TRPM3: variants seen among roughly 807,000 people sequenced by gnomAD.
The protein encoded by TRPM3 is long transient receptor potential channel 3.
A neutral mutation model predicts 181.2 loss-of-function variants in TRPM3; 77 were observed. That is an observed-to-expected ratio of 0.42 (90% CI 0.35 to 0.51). The LOEUF is 0.51. TRPM3 is among the 20% of genes least tolerant of loss of function. The pLI is 0.01. For synonymous variants in TRPM3, 745 were observed against 796.4 expected (o/e 0.94, Z 1.09); for missense variants, 1,759 against 2,196.7 (o/e 0.80, Z 3.98).
intron 1 of TRPM3, among the ~76,000 whole-genome samples, chr9:71,117,735 T>A (rs1173224431): frequency 6.6e-6 from 1 of 152,178 alleles, no homozygotes; most frequent in Non-Finnish European, 1.5e-5. Context: ...CTCATATGAT[T>A]TCTCAATATA....
At chr9:70,934,310 T>C (rs1040289722) in intron 1 of TRPM3, among the ~76,000 whole-genome samples, 1 of 152,150 alleles carries the variant, frequency 6.6e-6, no homozygotes, top group African/African-American at 2.4e-5. Flanking sequence ...AGTTGTGGCA[T>C]TGTTCATTCT....
chr9:71,262,568 A>G (rs2083135159), intron 1 of TRPM3, among the ~76,000 whole-genome samples: 1 of 152,148 alleles, frequency 6.6e-6, no homozygotes, highest in Non-Finnish European at 1.5e-5. Flanking sequence ...GGGTACCAAA[A>G]AAACAAAAAA....
At chr9:70,593,047 G>A (rs1341542365) in intron 21 of TRPM3, among the ~76,000 whole-genome samples, 1 of 152,142 alleles carries the variant, frequency 6.6e-6, no homozygotes, top group Non-Finnish European at 1.5e-5. Flanking sequence ...TGTTTTAAAA[G>A]AGTGTCTGTT....
chr9:70,644,612 G>A (rs2058538926), intron 9 of TRPM3, among the ~76,000 whole-genome samples: 1 of 152,118 alleles, frequency 6.6e-6, no homozygotes, highest in East Asian at 1.9e-4. Context: ...TACTGAATGG[G>A]CAAAAGCTGG....
chr9:70,766,224 A>C (rs111338805), intron 7 of TRPM3, among the ~76,000 whole-genome samples: 2 of 152,322 alleles, frequency 1.3e-5, no homozygotes, highest in African/African-American at 4.8e-5. Flanking sequence ...GTAACCATCA[A>C]AACGCCCCAC....
chr9:71,286,963 A>ATATATAATTATATAATTATAT (rs1565424434), intron 1 of TRPM3, among the ~76,000 whole-genome samples: 2 of 138,190 alleles, frequency 1.4e-5, no homozygotes, highest in African/African-American at 2.7e-5. Context: ...TATATAAATT[A>ATATATAATTATATAATTATAT]TATATAATAT....
rs548173387 is a variant in TRPM3, at chr9:70,898,816, C to T, written c.178-34305G>A. Among the ~76,000 whole-genome samples, 16 of 151,362 alleles carry T rather than the reference C, an allele frequency of 1.1e-4. No individual in the cohort carries two copies. In the South Asian group the frequency reaches 3.4e-3, roughly 32 times the overall value. On this transcript the variant is annotated intron_variant, in intron 1 of 25. Transcript: ENST00000677713. ...GAAAAAATTTACTGGTTTCGTTCTA[C>T]TTCTGCAAATTTAAAAGCAGCCTGA...
chr9:70,944,930 G>A (rs960705483), intron 1 of TRPM3, among the ~76,000 whole-genome samples: 3 of 151,236 alleles, frequency 2.0e-5, no homozygotes, highest in African/African-American at 7.3e-5. Context: ...GTAAAACCAA[G>A]TGACTGAAGA....
intron 8 of TRPM3, among the ~76,000 whole-genome samples, chr9:70,691,984 G>T (rs2068720392): frequency 1.3e-5 from 2 of 152,110 alleles, no homozygotes; most frequent in South Asian, 2.1e-4. Context: ...AAAATCCATG[G>T]CTTTAGGCTG....
intron 8 of TRPM3, among the ~76,000 whole-genome samples, chr9:70,751,816 A>G (rs2076176867): frequency 6.6e-6 from 1 of 152,108 alleles, no homozygotes; most frequent in African/African-American, 2.4e-5. Flanking sequence ...GAGGGGCACT[A>G]CTTCCTCTGA....
intron 1 of TRPM3, among the ~76,000 whole-genome samples, chr9:71,038,698 C>A (rs762720777): frequency 1.3e-5 from 2 of 152,104 alleles, no homozygotes; most frequent in African/African-American, 2.4e-5. Flanking sequence ...ACAGATGGAA[C>A]CTGGCCTTAT....
chr9:71,281,860 G>A (rs180707807), intron 1 of TRPM3, among the ~76,000 whole-genome samples: 1 of 152,012 alleles, frequency 6.6e-6, no homozygotes, highest in African/African-American at 2.4e-5. Flanking sequence ...TTGGAAGTTC[G>A]AGACCAGCCT....
chr9:70,616,175 T>C (rs2062747038), intron 17 of TRPM3, 100 bp from the exon 18 acceptor site: 1 of 861,954 alleles, frequency 1.2e-6, no homozygotes, highest in Non-Finnish European at 1.7e-6. Context: ...GGTATAAGAG[T>C]GTATGCGTGT....
rs986770982 is a variant in TRPM3 at position 70,534,390 on chromosome 9, T to A, written c.*1563A>T. On this transcript the variant is annotated 3_prime_UTR_variant, in exon 26 of 26. Transcript: ENST00000677713. ...TTCAACATTTGGTCTAATAGTATAATGAACTCTTTCAATGGAACTTCTTGT... is the reference window on the plus strand; with the variant it reads ...TTCAACATTTGGTCTAATAGTATAAAGAACTCTTTCAATGGAACTTCTTGT... 5 of 152,198 alleles carry A rather than the reference T, an allele frequency of 3.3e-5. No individual in the cohort carries two copies. The highest frequency in any genetic ancestry group is 7.4e-5 in the Non-Finnish European group (5 of 68,026). The allele number at this position is 152,198 out of a possible 1,614,324, so 9.4% of individuals were successfully genotyped here. A position where few individuals can be genotyped will look rare whatever the true frequency, so the allele number is the denominator to read the frequency against.
intron 1 of TRPM3, among the ~76,000 whole-genome samples, chr9:70,935,372 T>C (rs973345474): frequency 2.0e-5 from 3 of 152,196 alleles, no homozygotes; most frequent in African/African-American, 7.2e-5. Flanking sequence ...TGTGAGAGTA[T>C]CATGGCATTT....
intron 1 of TRPM3, among the ~76,000 whole-genome samples, chr9:71,339,927 T>G (rs753243807): frequency 6.6e-6 from 1 of 152,090 alleles, no homozygotes. Context: ...TCAGACAGTG[T>G]CAAACAAATC....
chr9:71,090,405 A>G (rs529895852), intron 1 of TRPM3, among the ~76,000 whole-genome samples: 2 of 152,264 alleles, frequency 1.3e-5, no homozygotes, highest in Middle Eastern at 3.4e-3. Context: ...TCTTTAAGCT[A>G]GTTCTCACAA....
chr9:71,380,050 T>C (rs2092762277), intron 1 of TRPM3, among the ~76,000 whole-genome samples: 1 of 152,074 alleles, frequency 6.6e-6, no homozygotes, highest in Admixed American at 6.6e-5. Flanking sequence ...ACTGATGTTT[T>C]TCCAAGAGTG....
intron 1 of TRPM3, among the ~76,000 whole-genome samples, chr9:71,028,164 C>T (rs558292570): frequency 2.8e-4 from 42 of 152,266 alleles, no homozygotes; most frequent in Non-Finnish European, 3.1e-4. Flanking sequence ...CTATATTAAA[C>T]GTTCTTAAAG....
Sources: allele counts gnomAD v4.1 joint callset (sites outside exome capture counted in the v4.1 genomes callset), GRCh38; gene constraint gnomAD v4.1.1; transcripts MANE v1.5; gene names NCBI Gene and HGNC (gene_info 2026-07-23, HGNC 2026-07-21).